The following AUTS2 variants were observed in gnomAD, a reference collection of about 807,000 sequenced individuals.
AUTS2 encodes the protein activator of transcription and developmental regulator AUTS2, also known as autism susceptibility gene 2 protein.
A neutral mutation model predicts 112.4 loss-of-function variants in AUTS2; 17 were observed. The observed-to-expected ratio is 0.15, with a 90% CI of 0.10 to 0.23. AUTS2 has a LOEUF of 0.23. Ranked by LOEUF, AUTS2 falls within the 10% of genes least tolerant of loss-of-function variation. The pLI is 1.00. For synonymous variants in AUTS2, 751 were observed against 702.7 expected, an observed-to-expected ratio of 1.07 and a Z score of -1.09; for missense variants, 1,510 against 1,701.6, an observed-to-expected ratio of 0.89 and a Z score of 1.98.
rs540863951 is a variant in AUTS2, at chr7:70,310,338, C to T, written c.661-125414C>T. Among the ~76,000 whole-genome samples, 12 of 152,112 alleles carry T rather than the reference C, an allele frequency of 7.9e-5. No individual in the cohort carries two copies. In the East Asian group the frequency reaches 1.2e-3, roughly 15 times the overall value. ...GAAATAAGTCAGCTGAGGCCGGACG[C>T]GGTGGCTCACGCCTGTAATCCCAGC... On this transcript the variant is annotated intron_variant, in intron 4 of 18. Coordinates refer to ENST00000342771, the MANE Select transcript of AUTS2 (RefSeq NM_015570.4).
chr7:70,104,050 G>A lies in AUTS2; in HGVS notation c.523-14082G>A, dbSNP rs1269914316. ...AAGCTACTAGATCAGAGAATGTGAT[G>A]TGCCCACTTGTCCTTTACTGTCCTT... On this transcript the variant is annotated intron_variant, in intron 2 of 18. Transcript: ENST00000342771. 2.0e-5 allele frequency among the ~76,000 whole-genome samples: 3 copies of A among 151,684 alleles called. No homozygotes were observed. The East Asian group carries it at 5.8e-4, about 29-fold the overall frequency.
intron 4 of AUTS2, among the ~76,000 whole-genome samples, chr7:70,144,924 T>C (rs1238424633): frequency 1.3e-5 from 2 of 152,128 alleles, no homozygotes; most frequent in Non-Finnish European, 2.9e-5. Flanking sequence ...TATTGAAAAA[T>C]CTCTGTTGAA....
At chr7:70,279,895 G>C (rs150782944) in intron 4 of AUTS2, among the ~76,000 whole-genome samples, 2 of 152,298 alleles carry the variant, frequency 1.3e-5, no homozygotes, top group African/African-American at 4.8e-5. Context: ...TTTGTCTACA[G>C]TAAGAGTTAT....
chr7:69,851,897 G>A (rs886504272), intron 1 of AUTS2, among the ~76,000 whole-genome samples: 7 of 152,132 alleles, frequency 4.6e-5, no homozygotes, highest in Non-Finnish European at 7.4e-5. Context: ...ATTTTTGTAA[G>A]CATATCATCT....
intron 5 of AUTS2, among the ~76,000 whole-genome samples, chr7:70,581,892 C>T (rs1333971732): frequency 6.6e-6 from 1 of 152,088 alleles, no homozygotes; most frequent in African/African-American, 2.4e-5. Flanking sequence ...TACCATTCCC[C>T]ATTCTAATTT....
chr7:69,975,130 T>C (rs760503016), intron 2 of AUTS2, among the ~76,000 whole-genome samples: 1 of 152,070 alleles, frequency 6.6e-6, no homozygotes, highest in African/African-American at 2.4e-5. Flanking sequence ...GGTTGACAGT[T>C]TCTTTTGTCT....
intron 5 of AUTS2, among the ~76,000 whole-genome samples, chr7:70,526,732 C>A (rs368718914): frequency 6.6e-6 from 1 of 152,164 alleles, no homozygotes; most frequent in South Asian, 2.1e-4. Context: ...CCCTCTGCCC[C>A]CTGGCCTGTG....
chr7:70,656,669 G>A (rs1806785011), intron 5 of AUTS2, among the ~76,000 whole-genome samples: 1 of 152,226 alleles, frequency 6.6e-6, no homozygotes, highest in Non-Finnish European at 1.5e-5. Context: ...GTTGGCACTG[G>A]AGCCTGGGCC....
intron 1 of AUTS2, among the ~76,000 whole-genome samples, chr7:69,757,906 G>C (rs1788007021): frequency 6.6e-6 from 1 of 152,164 alleles, no homozygotes; most frequent in South Asian, 2.1e-4. Flanking sequence ...TGAACTGTTT[G>C]GTTGAAATAC....
chr7:70,377,551 G>A (rs952989861), intron 4 of AUTS2, among the ~76,000 whole-genome samples: 11 of 149,850 alleles, frequency 7.3e-5, no homozygotes, highest in African/African-American at 1.7e-4. Context: ...TCGCATTGTC[G>A]TACAGCCATC....
chr7:69,982,970 A>G (rs1450469071), intron 2 of AUTS2, among the ~76,000 whole-genome samples: 1 of 152,214 alleles, frequency 6.6e-6, no homozygotes, highest in African/African-American at 2.4e-5. Context: ...TCAATCTGCA[A>G]ATGTGAACAG....
At chr7:70,089,879 C>T (rs918289923) in intron 2 of AUTS2, among the ~76,000 whole-genome samples, 8 of 151,984 alleles carry the variant, frequency 5.3e-5, no homozygotes, top group African/African-American at 1.4e-4. Flanking sequence ...TGGTGGTAGG[C>T]GCCTGTAGTC....
intron 1 of AUTS2, among the ~76,000 whole-genome samples, chr7:69,793,979 G>A (rs535769998): frequency 7.9e-5 from 12 of 152,160 alleles, no homozygotes; most frequent in Non-Finnish European, 1.2e-4. Flanking sequence ...CACTCAAAGC[G>A]GGGGTGATTG....
intron 5 of AUTS2, among the ~76,000 whole-genome samples, chr7:70,462,070 G>A (rs932383798): frequency 6.6e-6 from 1 of 152,108 alleles, no homozygotes; most frequent in South Asian, 2.1e-4. Flanking sequence ...TGGCCAACAT[G>A]GTGAAACCCC....
intron 1 of AUTS2, among the ~76,000 whole-genome samples, chr7:69,809,971 T>C (rs1790477312): frequency 1.3e-5 from 2 of 152,190 alleles, no homozygotes; most frequent in African/African-American, 4.8e-5. Flanking sequence ...TCCTAAAATA[T>C]ACACATTTGA....
chr7:70,373,152 G>A (rs1433485077), intron 4 of AUTS2, among the ~76,000 whole-genome samples: 1 of 151,624 alleles, frequency 6.6e-6, no homozygotes. Context: ...TGAGAAACCA[G>A]GGGGGAGTGG....
chr7:70,347,574 G>A (rs537078512), intron 4 of AUTS2, among the ~76,000 whole-genome samples: 2 of 152,246 alleles, frequency 1.3e-5, no homozygotes, highest in South Asian at 4.2e-4. Context: ...CCAGGAAGCA[G>A]AAGAGAACCC....
At chr7:69,692,646 C>T (rs1047965225) in intron 1 of AUTS2, among the ~76,000 whole-genome samples, 3 of 152,206 alleles carry the variant, frequency 2.0e-5, no homozygotes, top group East Asian at 1.9e-4. Context: ...CTTGGATTAG[C>T]TTATGATCTT....
chr7:70,577,995 T>G (rs932009882), intron 5 of AUTS2, among the ~76,000 whole-genome samples: 10 of 152,158 alleles, frequency 6.6e-5, no homozygotes, highest in Non-Finnish European at 1.5e-4. Flanking sequence ...CACGCCCGGC[T>G]AATTTTTTGT....
Sources: allele counts gnomAD v4.1 joint callset (sites outside exome capture counted in the v4.1 genomes callset), GRCh38; gene constraint gnomAD v4.1.1; transcripts MANE v1.5; gene names NCBI Gene and HGNC (gene_info 2026-07-23, HGNC 2026-07-21).